NALF1: variants seen among roughly 807,000 people sequenced by gnomAD.
NALF1 encodes the protein NALCN channel auxiliary factor 1.
A neutral mutation model predicts 48.4 loss-of-function variants in NALF1; 3 were observed. The ratio of observed to expected loss-of-function variants is 0.06; its 90% CI spans 0.03 to 0.16. The LOEUF is 0.16. Ranked by LOEUF, NALF1 falls within the 10% of genes least tolerant of loss-of-function variation. The probability of loss-of-function intolerance (pLI) is 1.00; values close to 1 mark genes in which losing one functional copy is unlikely to be tolerated. For missense variants in NALF1, 526 were observed against 571.5 expected (o/e 0.92, Z 0.81); for synonymous variants, 262 against 245.7 (o/e 1.07, Z -0.62).
At chr13:107,739,599 G>A (rs528413115) in intron 1 of NALF1, among the ~76,000 whole-genome samples, 4 of 151,906 alleles carry the variant, frequency 2.6e-5, no homozygotes, top group South Asian at 2.1e-4. Context: ...ACAAATACAC[G>A]GACTAATGCC....
At chr13:107,494,434 G>A (rs528172868) in intron 1 of NALF1, among the ~76,000 whole-genome samples, 2 of 152,288 alleles carry the variant, frequency 1.3e-5, no homozygotes, top group South Asian at 4.1e-4. Flanking sequence ...ACGATGAAAA[G>A]ATGAGAGCTG....
intron 1 of NALF1, among the ~76,000 whole-genome samples, chr13:107,412,527 T>C (rs566088671): frequency 1.6e-4 from 24 of 150,060 alleles, no homozygotes; most frequent in African/African-American, 5.6e-4. Flanking sequence ...CTATATACCA[T>C]CTTCACCAGT....
At position 107,165,592 on chromosome 13, in the gene NALF1, C is replaced by T. The variant is rs1163770384; in HGVS notation, c.*4905G>A. 2 of 152,112 alleles carry T rather than the reference C, an allele frequency of 1.3e-5. No individual in the cohort carries two copies. The highest frequency in any genetic ancestry group is 1.3e-4 in the Admixed American group (2 of 15,262). The allele number at this position is 152,112 out of a possible 1,614,324, so 9.4% of individuals were successfully genotyped here. On this transcript the variant is annotated 3_prime_UTR_variant, in exon 3 of 3. Transcript: ENST00000375915. ...TCATGCCTTAAGTTTTATTCCAAGG[C>T]TAAGAAGATTATCTATACATTTTCT...
chr13:107,169,606 G>C lies in NALF1; in HGVS notation c.*891C>G, dbSNP rs1355160616. 1 of 152,176 alleles carries C rather than the reference G, an allele frequency of 6.6e-6. No homozygotes were observed. Among genetic ancestry groups the C allele is most frequent in the Non-Finnish European group, 1.5e-5 (1 of 68,032 alleles). 9.4% of individuals were successfully genotyped at this position (152,176 alleles called of 1,614,324 possible). A position where few individuals can be genotyped will look rare whatever the true frequency, so the allele number is the denominator to read the frequency against. ...GAAAGGGCTGGGCCACTTGGGGATG[G>C]GAACTGGAGCAATACAGTTCATGAT... On this transcript the variant is annotated 3_prime_UTR_variant, in exon 3 of 3. Coordinates refer to ENST00000375915, the MANE Select transcript of NALF1 (RefSeq NM_001080396.3).
intron 1 of NALF1, among the ~76,000 whole-genome samples, chr13:107,476,846 GC>G (rs779478925): frequency 3.9e-5 from 6 of 151,990 alleles, no homozygotes; most frequent in Admixed American, 6.6e-5. Flanking sequence ...CTTCTAATGA[GC>G]CAAGAGGTAT....
At chr13:107,412,623 T>G (rs1185379683) in intron 1 of NALF1, among the ~76,000 whole-genome samples, 1 of 152,240 alleles carries the variant, frequency 6.6e-6, no homozygotes, top group African/African-American at 2.4e-5. Context: ...TGAGTTCATA[T>G]TGCATTTCAT....
At chr13:107,521,053 A>G (rs891648551) in intron 1 of NALF1, among the ~76,000 whole-genome samples, 1 of 152,204 alleles carries the variant, frequency 6.6e-6, no homozygotes, top group Non-Finnish European at 1.5e-5. Flanking sequence ...AAATAGGAAT[A>G]TATAAAGTAA....
At chr13:107,397,026 T>G (rs1883724901) in intron 1 of NALF1, among the ~76,000 whole-genome samples, 1 of 152,182 alleles carries the variant, frequency 6.6e-6, no homozygotes, top group South Asian at 2.1e-4. Context: ...ATTTGGAGGA[T>G]AGAGCACTAC....
chr13:107,645,412 T>G (rs1289349277), intron 1 of NALF1, among the ~76,000 whole-genome samples: 1 of 152,208 alleles, frequency 6.6e-6, no homozygotes, highest in African/African-American at 2.4e-5. Context: ...GAAGATTTTA[T>G]CCAATTTGGT....
At chr13:107,434,626 A>G (rs1298848803) in intron 1 of NALF1, among the ~76,000 whole-genome samples, 4 of 152,244 alleles carry the variant, frequency 2.6e-5, no homozygotes, top group Non-Finnish European at 5.9e-5. Flanking sequence ...AGCTATGCGA[A>G]GAGGCAGCAT....
chr13:107,856,555 G>C (rs1370656640), intron 1 of NALF1, among the ~76,000 whole-genome samples: 1 of 152,064 alleles, frequency 6.6e-6, no homozygotes, highest in Non-Finnish European at 1.5e-5. Flanking sequence ...TATTCTCACT[G>C]ATAACATGGA....
chr13:107,432,214 C>G (rs1381601311), intron 1 of NALF1, among the ~76,000 whole-genome samples: 1 of 152,068 alleles, frequency 6.6e-6, no homozygotes, highest in African/African-American at 2.4e-5. Flanking sequence ...CTTAAACAAC[C>G]AGGTCTCTGG....
rs34354646 is a variant in NALF1 at position 107,378,393 on chromosome 13, CATAT to C, written c.916-167642_916-167639del. Among the ~76,000 whole-genome samples, 64 of 148,516 alleles carry C rather than the reference CATAT, an allele frequency of 4.3e-4. 1 individual carries two copies. Among genetic ancestry groups the C allele is most frequent in the Middle Eastern group, 7.0e-3 (2 of 286 alleles). Reference sequence around the variant, plus strand: ...TTAGTAGGTAAATAATTTGGAGAGACATATATATATATATATGTATGCATGTCTA... The same window carrying C: ...TTAGTAGGTAAATAATTTGGAGAGACATATATATATATGTATGCATGTCTA... On this transcript the variant is annotated intron_variant, in intron 1 of 2. Transcript: ENST00000375915.
At chr13:107,243,573 C>A (rs1273548799) in intron 1 of NALF1, among the ~76,000 whole-genome samples, 1 of 152,168 alleles carries the variant, frequency 6.6e-6, no homozygotes, top group Non-Finnish European at 1.5e-5. Context: ...ATTCTTGGAA[C>A]ATGGTAGGAA....
chr13:107,249,802 T>C (rs1880660002), intron 1 of NALF1, among the ~76,000 whole-genome samples: 1 of 152,198 alleles, frequency 6.6e-6, no homozygotes, highest in South Asian at 2.1e-4. Flanking sequence ...TCTTTTGGAA[T>C]GGTGTTTGTT....
At chr13:107,864,886 A>G (rs1186379934) in intron 1 of NALF1, among the ~76,000 whole-genome samples, 1 of 152,230 alleles carries the variant, frequency 6.6e-6, no homozygotes, top group African/African-American at 2.4e-5. Flanking sequence ...TATAATACAG[A>G]CTATTAAATA....
intron 2 of NALF1, among the ~76,000 whole-genome samples, chr13:107,189,525 C>T (rs1879240186): frequency 6.6e-6 from 1 of 152,098 alleles, no homozygotes; most frequent in African/African-American, 2.4e-5. Flanking sequence ...GAGAAGAGGT[C>T]CGTGCTCTGT....
At chr13:107,557,764 T>A (rs1877521973) in intron 1 of NALF1, among the ~76,000 whole-genome samples, 1 of 152,140 alleles carries the variant, frequency 6.6e-6, no homozygotes, top group Non-Finnish European at 1.5e-5. Flanking sequence ...TCCATATGCA[T>A]TCTCCATGCC....
At chr13:107,252,364 G>A (rs1038566046) in intron 1 of NALF1, among the ~76,000 whole-genome samples, 7 of 151,954 alleles carry the variant, frequency 4.6e-5, no homozygotes, top group Admixed American at 2.0e-4. Context: ...AAACAGGAGG[G>A]AGAGAGAAAA....
Sources: gnomAD v4.1 joint callset for allele counts (sites outside exome capture counted in the v4.1 genomes callset) on GRCh38, gnomAD v4.1.1 for gene constraint, MANE v1.5 for transcripts, NCBI Gene and HGNC (gene_info 2026-07-23, HGNC 2026-07-21) for gene names.